Variants in ADAMTS18 observed in about 807,000 individuals in gnomAD.
The protein encoded by ADAMTS18 is A disintegrin and metalloproteinase with thrombospondin motifs 18.
A neutral mutation model predicts 165.9 loss-of-function variants in ADAMTS18; 157 were observed. The ratio of observed to expected loss-of-function variants is 0.95; its 90% confidence interval spans 0.83 to 1.08. The LOEUF is 1.08. ADAMTS18 is among the 50% of genes least tolerant of loss of function. The probability of loss-of-function intolerance (pLI) is 0.00; values close to 1 mark genes in which losing one functional copy is unlikely to be tolerated. For missense variants in ADAMTS18, 2,040 were observed against 1,534.0 expected, an observed-to-expected ratio of 1.33 and a Z score of -5.51; for synonymous variants, 782 against 578.2, an observed-to-expected ratio of 1.35 and a Z score of -5.06.
chr16:77,369,838 A>T (rs142936746), intron 3 of ADAMTS18, among the ~76,000 whole-genome samples: 4 of 152,218 alleles, frequency 2.6e-5, no homozygotes. Flanking sequence ...GAAATCCTCA[A>T]CAAAATACTA....
chr16:77,302,952 C>A (rs1184416545), intron 16 of ADAMTS18, among the ~76,000 whole-genome samples: 1 of 152,182 alleles, frequency 6.6e-6, no homozygotes, highest in African/African-American at 2.4e-5. Flanking sequence ...AACCACATGT[C>A]AAGCTTCCCC....
At chr16:77,369,376 A>G (rs1361794896) in intron 3 of ADAMTS18, among the ~76,000 whole-genome samples, 1 of 152,014 alleles carries the variant, frequency 6.6e-6, no homozygotes, top group Non-Finnish European at 1.5e-5. Context: ...TCCTTTAATT[A>G]ATTTTGGGTT....
At chr16:77,317,360 C>T (rs1356771639) in intron 16 of ADAMTS18, among the ~76,000 whole-genome samples, 3 of 152,122 alleles carry the variant, frequency 2.0e-5, no homozygotes, top group African/African-American at 7.2e-5. Flanking sequence ...GATGGAGTCT[C>T]ACTCACTCTT....
intron 4 of ADAMTS18, among the ~76,000 whole-genome samples, chr16:77,364,769 A>G (rs1567515510): frequency 6.7e-6 from 1 of 149,874 alleles, no homozygotes; most frequent in Non-Finnish European, 1.5e-5. Flanking sequence ...AAGAAAAGGA[A>G]AGCAAAGGAA....
chr16:77,433,729 G>T (rs910190838), intron 2 of ADAMTS18, among the ~76,000 whole-genome samples: 3 of 152,164 alleles, frequency 2.0e-5, no homozygotes, highest in Non-Finnish European at 4.4e-5. Flanking sequence ...GACACCTTGC[G>T]TCAGGAATCA....
Position 77,362,205 on chromosome 16 carries a change from C to A in ADAMTS18, c.1116G>T (p.Gln372His). The A allele has an allele frequency of 6.2e-7, 1 of 1,614,156 alleles. No individual in the cohort carries two copies. The highest frequency in any genetic ancestry group is 8.5e-7 in the Non-Finnish European group (1 of 1,180,006). Reference sequence around the variant, plus strand: ...TGCCATTCTTTCCAATGAGGGCAGACTGCCATTGACAAAAACTATTCAGAG... The same window carrying A: ...TGCCATTCTTTCCAATGAGGGCAGAATGCCATTGACAAAAACTATTCAGAG... ...DQSLNSFCQW[Q>H]SALIGKNGKR... Residue 372 changes from glutamine to histidine, a missense_variant, in exon 7 of 23, where the codon CAG (glutamine) becomes CAT (histidine). Physicochemically the swap from Gln to His is conservative, Grantham distance 24. Coordinates refer to ENST00000282849, the MANE Select transcript of ADAMTS18 (RefSeq NM_199355.4).
intron 12 of ADAMTS18, among the ~76,000 whole-genome samples, chr16:77,332,492 A>T (rs183822904): frequency 2.0e-5 from 3 of 152,176 alleles, no homozygotes; most frequent in African/African-American, 7.2e-5. Flanking sequence ...ATCCTCCTCC[A>T]ACCTTCCAAG....
chr16:77,385,210 T>A (rs911632831), intron 3 of ADAMTS18, among the ~76,000 whole-genome samples: 1 of 152,134 alleles, frequency 6.6e-6, no homozygotes, highest in Non-Finnish European at 1.5e-5. Context: ...TGCCTGGCCA[T>A]AGATAAATAT....
intron 2 of ADAMTS18, among the ~76,000 whole-genome samples, chr16:77,434,214 T>C (rs2057769621): frequency 1.3e-5 from 2 of 152,126 alleles, no homozygotes; most frequent in South Asian, 4.1e-4. Context: ...TTTGCTTTTA[T>C]GTGACTTGCA....
chr16:77,325,837 T>G (rs905577653), intron 13 of ADAMTS18, 29 bp downstream of exon 13: 2 of 1,592,288 alleles, frequency 1.3e-6, no homozygotes, highest in African/African-American at 2.7e-5. Context: ...ACATAGAGAC[T>G]TATTTGAATG....
intron 7 of ADAMTS18, 149 bp downstream of exon 7, chr16:77,361,956 T>C (rs1222193102): frequency 7.9e-6 from 7 of 884,012 alleles, no homozygotes; most frequent in South Asian, 4.5e-5. Flanking sequence ...AAAAGAACAA[T>C]AGTCACCACA....
At chr16:77,389,921 G>A (rs2057163054) in intron 3 of ADAMTS18, among the ~76,000 whole-genome samples, 1 of 152,150 alleles carries the variant, frequency 6.6e-6, no homozygotes, top group African/African-American at 2.4e-5. Context: ...GATAACGTGT[G>A]CCCACATGTG....
At chr16:77,416,568 A>G (rs1012286757) in intron 3 of ADAMTS18, among the ~76,000 whole-genome samples, 7 of 152,134 alleles carry the variant, frequency 4.6e-5, no homozygotes, top group Non-Finnish European at 1.5e-5. Flanking sequence ...ACCATGTAAG[A>G]TGTGCTTTTG....
intron 3 of ADAMTS18, among the ~76,000 whole-genome samples, chr16:77,419,499 C>T (rs2057573477): frequency 1.3e-5 from 2 of 152,118 alleles, no homozygotes; most frequent in South Asian, 2.1e-4. Flanking sequence ...AGCTATGAAC[C>T]TCTCTGACTT....
Position 77,320,161 on chromosome 16 carries a change from C to A in ADAMTS18, c.2288-68G>T, listed in dbSNP as rs897565822. 6.3e-6 allele frequency: 10 copies of A among 1,589,132 alleles called. No individual in the cohort carries two copies. In the South Asian group the frequency reaches 1.0e-4, roughly 16 times the overall value. The stretch of plus-strand genomic sequence containing the variant: ...ATTGGAGAAAAGGGACTAGAAATGG[C>A]CCGACATGTAGTGTTCAGTTTTATA... On this transcript the variant is annotated intron_variant, in intron 15 of 22. Coordinates refer to ENST00000282849, the MANE Select transcript of ADAMTS18 (RefSeq NM_199355.4).
At chr16:77,360,417 G>A (rs1422720123) in intron 7 of ADAMTS18, among the ~76,000 whole-genome samples, 1 of 152,152 alleles carries the variant, frequency 6.6e-6, no homozygotes, top group Non-Finnish European at 1.5e-5. Flanking sequence ...CAGACATATG[G>A]GAAGTCAAAG....
intron 3 of ADAMTS18, among the ~76,000 whole-genome samples, chr16:77,400,210 A>G (rs1024602706): frequency 2.0e-5 from 3 of 152,186 alleles, no homozygotes; most frequent in Admixed American, 2.0e-4. Context: ...GCTGCAGTAG[A>G]CAGTTCAGGC....
chr16:77,345,194 C>G (rs1026381454), intron 10 of ADAMTS18, among the ~76,000 whole-genome samples: 1 of 152,148 alleles, frequency 6.6e-6, no homozygotes. Context: ...ACCTGACATG[C>G]TGAAAATGTT....
At chr16:77,330,292 T>C (rs908018734) in intron 12 of ADAMTS18, among the ~76,000 whole-genome samples, 1 of 152,294 alleles carries the variant, frequency 6.6e-6, no homozygotes, top group Admixed American at 6.5e-5. Context: ...CACCTTAGCA[T>C]ATCACTAATA....
Sources: allele counts gnomAD v4.1 joint callset (sites outside exome capture counted in the v4.1 genomes callset), GRCh38; gene constraint gnomAD v4.1.1; transcripts MANE v1.5; gene names NCBI Gene and HGNC (gene_info 2026-07-23, HGNC 2026-07-21).